HERC1: variants seen among roughly 807,000 people sequenced by gnomAD.
The protein encoded by HERC1 is probable E3 ubiquitin-protein ligase HERC1.
Under a neutral mutation model 554.3 loss-of-function variants are expected in HERC1, and 160 were observed. That is an observed-to-expected ratio of 0.29 (90% CI 0.25 to 0.33). The LOEUF is 0.33. HERC1 is among the 10% of genes least tolerant of loss of function. The probability of loss-of-function intolerance (pLI) is 1.00; values close to 1 mark genes in which losing one functional copy is unlikely to be tolerated. For missense variants in HERC1, 4,919 were observed against 5,918.5 expected, an observed-to-expected ratio of 0.83 and a Z score of 5.54; for synonymous variants, 2,175 against 2,131.7, an observed-to-expected ratio of 1.02 and a Z score of -0.56.
chr15:63,770,337 C>A (rs2075913811), intron 2 of HERC1, among the ~76,000 whole-genome samples: 1 of 152,214 alleles, frequency 6.6e-6, no homozygotes, highest in African/African-American at 2.4e-5. Context: ...CCCATCATCT[C>A]CTCCCAGTAC....
At chr15:63,708,678 A>G (rs1320048609) in intron 24 of HERC1, among the ~76,000 whole-genome samples, 1 of 152,272 alleles carries the variant, frequency 6.6e-6, no homozygotes, top group Non-Finnish European at 1.5e-5. Context: ...ATTTAACATT[A>G]AAGTAGTTAA....
At chr15:63,622,521 T>C (rs1227686079) in intron 74 of HERC1, among the ~76,000 whole-genome samples, 2 of 151,888 alleles carry the variant, frequency 1.3e-5, no homozygotes, top group East Asian at 3.9e-4. Context: ...TTAGTAGAGA[T>C]GGGGTTTCAC....
rs756685277 is a variant in HERC1, at chr15:63,775,461, A to C, written c.163T>G (p.Leu55Val). Residue 55 changes from leucine to valine, a missense_variant, in exon 2 of 78, where the codon TTA becomes GTA. By Grantham distance (32) the Leu-to-Val change is conservative. Coordinates refer to ENST00000443617, the MANE Select transcript of HERC1 (RefSeq NM_003922.4). This position sits in a 1 kb window ranked among gnomAD's most constrained non-coding sequence, Gnocchi z 4.0. ...GGCAACTGTGGTCCTTTGAGGCATA[A>C]AACTTGTTGGGGCAAAGGTACTACT... is the stretch of plus-strand genomic sequence containing the variant. ...KEVVPLPQQVLCLKGPQLPDF... is the reference protein window; with the variant it reads ...KEVVPLPQQVVCLKGPQLPDF... 1 of 1,613,888 alleles carries C rather than the reference A, an allele frequency of 6.2e-7. No individual in the cohort carries two copies. Among genetic ancestry groups the C allele is most frequent in the Non-Finnish European group, 8.5e-7 (1 of 1,179,890 alleles).
Position 63,669,615 on chromosome 15 carries a change from G to A in HERC1, c.8129C>T (p.Ser2710Phe), listed in dbSNP as rs1444853932. ...CCTCCTTCCTACTTCATCAGAAGGA[G>A]AGGTTGGTAACGAAGATATTGGAGG... ...QTPPISSLPT[S>F]PSDEVGRRQS... is the part of the protein sequence containing the mutation. Residue 2710 changes from serine to phenylalanine, a missense_variant, in exon 40 of 78, where the codon TCT (serine) becomes TTT (phenylalanine). Physicochemically the swap from Ser to Phe is radical, Grantham distance 155. Coordinates refer to ENST00000443617, the MANE Select transcript of HERC1 (RefSeq NM_003922.4). 6.2e-7 allele frequency: 1 copy of A among 1,613,898 alleles called. No homozygotes were observed. Among genetic ancestry groups the A allele is most frequent in the Non-Finnish European group, 8.5e-7 (1 of 1,179,758 alleles).
At chr15:63,633,370 A>C (rs1217445926) in intron 67 of HERC1, among the ~76,000 whole-genome samples, 1 of 152,228 alleles carries the variant, frequency 6.6e-6, no homozygotes, top group Non-Finnish European at 1.5e-5. Context: ...TAGAGTCAAG[A>C]AATCTTCTAT....
In HERC1 at chr15:63,725,454, C is replaced by T. The variant is rs1203604368; in HGVS notation, c.3406G>A (p.Val1136Ile). The change falls in exon 18 of 78, where the codon GTA becomes ATA. Residue 1136 changes from valine to isoleucine, a missense_variant. Around this residue, in one of 11 missense-constraint regions of HERC1, gnomAD observed 1,121 missense variants for 1,244.0 expected, o/e 0.90. Transcript: ENST00000443617. ...GTTCTTTCTAGATCCACAAGCCATA[C>T]CCAGGACTGAGCTGGCTGAGGTAAT... ...LPLPQPAQSW[V>I]WLVDLERTIA... 2 of 1,613,902 alleles carry T rather than the reference C, an allele frequency of 1.2e-6. No individual in the cohort carries two copies. Among genetic ancestry groups the T allele is most frequent in the Admixed American group, 3.3e-5 (2 of 60,014 alleles).
chr15:63,799,534 T>G (rs1228745220), intron 1 of HERC1, among the ~76,000 whole-genome samples: 1 of 150,304 alleles, frequency 6.7e-6, no homozygotes, highest in Non-Finnish European at 1.5e-5. Flanking sequence ...AAAAGAAAAA[T>G]ATTGATCCTT....
At position 63,826,264 on chromosome 15, in the gene HERC1, C is replaced by T. The variant is rs530973615; in HGVS notation, c.-27+7563G>A. On this transcript the variant is annotated intron_variant, in intron 1 of 77. Transcript: ENST00000443617. ...ATGTTGTCTTGGTTTTTTGGCACCGCTAAAATCTAATAGGATTGCCCTAAC... is the reference window on the plus strand; with the variant it reads ...ATGTTGTCTTGGTTTTTTGGCACCGTTAAAATCTAATAGGATTGCCCTAAC... Among the ~76,000 whole-genome samples, 38 of 152,180 alleles carry T rather than the reference C, an allele frequency of 2.5e-4. No individual in the cohort carries two copies. In the East Asian group the frequency reaches 4.8e-3, roughly 19 times the overall value.
chr15:63,738,705 A>G (rs926046517), intron 12 of HERC1, among the ~76,000 whole-genome samples: 14 of 152,234 alleles, frequency 9.2e-5, no homozygotes, highest in Non-Finnish European at 1.3e-4. Context: ...CTGTAAACAG[A>G]AACAGCCTGT....
Position 63,660,999 on chromosome 15 carries a change from A to T in HERC1, c.9197T>A (p.Ile3066Asn). Residue 3066 changes from isoleucine to asparagine, a missense_variant, in exon 46 of 78, where the codon ATT becomes AAT. Ile to Asn is a moderately radical substitution (Grantham distance 149). This residue lies in a region of HERC1 where 1,963 missense variants were observed against 2,228.6 expected (regional missense o/e 0.88). Coordinates refer to ENST00000443617, the MANE Select transcript of HERC1 (RefSeq NM_003922.4). The stretch of plus-strand genomic sequence containing the variant: ...TTCATACACACTGTCTTGCTTGCCA[A>T]TTAGATCTGGAGCTTGTCCCTTGTA... The part of the protein sequence containing the change: ...ERYKGQAPDL[I>N]GKQDSVYEED... The T allele has an allele frequency of 6.2e-7, 1 of 1,612,490 alleles. No individual in the cohort carries two copies. Among genetic ancestry groups the T allele is most frequent in the Non-Finnish European group, 8.5e-7 (1 of 1,178,584 alleles).
At chr15:63,686,087 G>C (rs1454605952) in intron 34 of HERC1, among the ~76,000 whole-genome samples, 4 of 152,136 alleles carry the variant, frequency 2.6e-5, no homozygotes, top group African/African-American at 9.7e-5. Context: ...AAGAAAATGT[G>C]TTCTGTGTGA....
chr15:63,636,686 T>A (rs937101240), intron 64 of HERC1, among the ~76,000 whole-genome samples: 1 of 152,224 alleles, frequency 6.6e-6, no homozygotes, highest in African/African-American at 2.4e-5. Flanking sequence ...GTTACAGTCA[T>A]TAATGACTGG....
intron 8 of HERC1, among the ~76,000 whole-genome samples, chr15:63,750,343 T>C (rs944300371): frequency 2.6e-5 from 4 of 152,080 alleles, no homozygotes; most frequent in Admixed American, 6.6e-5. Context: ...TTTTGACTAA[T>C]GAATACCAAA....
At position 63,706,701 on chromosome 15, in the gene HERC1, T is replaced by G. The variant is rs142578274; in HGVS notation, c.4636+79A>C. The G allele has an allele frequency of 0.014, 11,309 of 785,358 alleles. 115 individuals carry two copies. The highest frequency in any genetic ancestry group is 0.031 in the Middle Eastern group (101 of 3,218). 48.6% of individuals were successfully genotyped at this position (785,358 alleles called of 1,614,324 possible). The stretch of plus-strand genomic sequence containing the variant: ...TCAGATATAAAAACAGCTTCTTAAT[T>G]TATTTACTATGCTCTTTTTTTTTTT... On this transcript the variant is annotated intron_variant, in intron 25 of 77. Coordinates refer to ENST00000443617, the MANE Select transcript of HERC1 (RefSeq NM_003922.4).
intron 36 of HERC1, among the ~76,000 whole-genome samples, chr15:63,679,174 C>T (rs1000079081): frequency 9.2e-5 from 14 of 152,082 alleles, no homozygotes; most frequent in African/African-American, 3.4e-4. Flanking sequence ...TCATTCGAAC[C>T]AGAACATGAC....
Position 63,663,041 on chromosome 15 carries a change from G to C in HERC1, c.8844C>G (p.Thr2948=). 1 of 1,613,912 alleles carries C rather than the reference G, an allele frequency of 6.2e-7. No homozygotes were observed. The highest frequency in any genetic ancestry group is 8.5e-7 in the Non-Finnish European group (1 of 1,179,848). ...ACATTCCCAGAATATCATTGTCACT[G>C]GTCAGGTCTTGTCCAAACATAGCTT... ...AMEAMFGQDL[T]SDNDILGMWI... The change falls in exon 44 of 78, where the codon ACC becomes ACG. Residue 2948 remains threonine, a synonymous_variant. Coordinates refer to ENST00000443617, the MANE Select transcript of HERC1 (RefSeq NM_003922.4).
At chr15:63,768,754 C>T (rs1288709529) in intron 2 of HERC1, among the ~76,000 whole-genome samples, 2 of 152,156 alleles carry the variant, frequency 1.3e-5, no homozygotes, top group African/African-American at 4.8e-5. Flanking sequence ...TAAATCTAGG[C>T]TCCATCCCTT....
At chr15:63,739,477 G>A (rs972166713) in intron 12 of HERC1, among the ~76,000 whole-genome samples, 10 of 151,834 alleles carry the variant, frequency 6.6e-5, no homozygotes, top group Non-Finnish European at 1.5e-4. Flanking sequence ...GATTATAGGC[G>A]TGAGCCACTG....
chr15:63,680,847 T>C lies in HERC1; in HGVS notation c.6226-71A>G, dbSNP rs996845278. 59 of 992,890 alleles carry C rather than the reference T, an allele frequency of 5.9e-5. No individual in the cohort carries two copies. The highest frequency in any genetic ancestry group is 8.5e-5 in the Non-Finnish European group (55 of 644,274). 61.5% of individuals were successfully genotyped at this position (992,890 alleles called of 1,614,324 possible). ...ATATACTATTAACTGCATTAACCAA[T>C]ACTGAAAATATGTTTATAAATAATA... On this transcript the variant is annotated intron_variant, in intron 34 of 77. Transcript: ENST00000443617. This position sits in a 1 kb window ranked among gnomAD's most constrained non-coding sequence, Gnocchi z 5.8.
Sources: allele counts gnomAD v4.1 joint callset (sites outside exome capture counted in the v4.1 genomes callset), GRCh38; gene constraint gnomAD v4.1.1; regional missense constraint gnomAD v4.1.1; non-coding constraint Gnocchi (gnomAD v3.1); transcripts MANE v1.5; gene names NCBI Gene and HGNC (gene_info 2026-07-23, HGNC 2026-07-21).